LYPD6B: variants seen among roughly 807,000 people sequenced by gnomAD.
The protein encoded by LYPD6B is LY6/PLAUR domain containing 6B.
Under a neutral mutation model 22.8 loss-of-function variants are expected in LYPD6B, and 17 were observed. The ratio of observed to expected loss-of-function variants is 0.75; its 90% CI spans 0.51 to 1.12. LYPD6B has a LOEUF of 1.12. LYPD6B is among the 50% of genes most tolerant of loss of function. The pLI is 0.00. For synonymous variants in LYPD6B, 106 were observed against 91.6 expected, an observed-to-expected ratio of 1.16 and a Z score of -0.90; for missense variants, 221 against 258.3, an observed-to-expected ratio of 0.86 and a Z score of 0.99.
intron 1 of LYPD6B, among the ~76,000 whole-genome samples, chr2:149,092,866 A>G (rs1034289962): frequency 6.6e-6 from 1 of 152,068 alleles, no homozygotes; most frequent in Non-Finnish European, 1.5e-5. Flanking sequence ...TTTTATTTTT[A>G]TGTGTGAGAG....
intron 1 of LYPD6B, among the ~76,000 whole-genome samples, chr2:149,098,627 C>CAAAAAAAAA (rs1285429577): frequency 1.4e-4 from 12 of 83,356 alleles, no homozygotes; most frequent in East Asian, 6.7e-4. Flanking sequence ...AACTCTGTCT[C>CAAAAAAAAA]AAAAAAAAAA....
chr2:149,105,456 C>G (rs1574975460), intron 1 of LYPD6B, among the ~76,000 whole-genome samples: 1 of 152,228 alleles, frequency 6.6e-6, no homozygotes, highest in East Asian at 1.9e-4. Context: ...TGCAGTAACT[C>G]AGCATTTATT....
chr2:149,120,026 G>C (rs2105589448), intron 1 of LYPD6B, among the ~76,000 whole-genome samples: 1 of 152,178 alleles, frequency 6.6e-6, no homozygotes, highest in South Asian at 2.1e-4. Context: ...AAGGAATGGA[G>C]ACTGAAGTTA....
chr2:149,187,302 A>G, intron 3 of LYPD6B: 1 of 996,672 alleles, frequency 1.0e-6, no homozygotes, highest in Non-Finnish European at 1.3e-6. Context: ...GAATTTGAAT[A>G]ATGCACTAAA....
At chr2:149,131,861 T>C (rs1025412577) in intron 2 of LYPD6B, among the ~76,000 whole-genome samples, 4 of 152,068 alleles carry the variant, frequency 2.6e-5, no homozygotes, top group South Asian at 2.1e-4. Flanking sequence ...CTAGAAAGAA[T>C]TGATGATGAA....
intron 3 of LYPD6B, among the ~76,000 whole-genome samples, chr2:149,169,250 T>C (rs35836487): frequency 0.86 from 131,164 of 152,074 alleles, 57,360 homozygotes; most frequent in South Asian, 0.97. Context: ...TGTCCTTCTC[T>C]TGGACATGTC....
Position 149,120,376 on chromosome 2 carries a change from T to C in LYPD6B, c.-66-10507T>C, listed in dbSNP as rs1270401118. On this transcript the variant is annotated intron_variant, in intron 1 of 6. Coordinates refer to ENST00000409642, the MANE Select transcript of LYPD6B (RefSeq NM_177964.5). ...GTGTGTGTGTGTATATATATATATATATATATATTTTTTTTTTTTTTTTTT... is the reference window on the plus strand; with the variant it reads ...GTGTGTGTGTGTATATATATATATACATATATATTTTTTTTTTTTTTTTTT... Among the ~76,000 whole-genome samples, 8 of 45,564 alleles carry C rather than the reference T, an allele frequency of 1.8e-4. 1 individual carries two copies. The highest frequency in any genetic ancestry group is 3.2e-4 in the Non-Finnish European group (8 of 24,630). The allele number at this position is 45,564 out of a possible 152,430, so 29.9% of individuals were successfully genotyped here.
At chr2:149,144,148 A>G (rs1414887626) in intron 2 of LYPD6B, among the ~76,000 whole-genome samples, 1 of 152,232 alleles carries the variant, frequency 6.6e-6, no homozygotes, top group Non-Finnish European at 1.5e-5. Context: ...GGCTTATAGT[A>G]TGATGGTGGA....
chr2:149,185,771 T>C (rs1386939749), intron 3 of LYPD6B, among the ~76,000 whole-genome samples: 1 of 152,244 alleles, frequency 6.6e-6, no homozygotes, highest in East Asian at 1.9e-4. Context: ...GTGCTCACTT[T>C]GTGTCTCTTC....
At chr2:149,044,841 C>CT (rs35577628) in intron 1 of LYPD6B, among the ~76,000 whole-genome samples, 1 of 151,922 alleles carries the variant, frequency 6.6e-6, no homozygotes, top group African/African-American at 2.4e-5. Context: ...TTATTGAATG[C>CT]TTTTTTTACC....
chr2:149,110,137 T>A (rs575992037), intron 1 of LYPD6B, among the ~76,000 whole-genome samples: 1 of 152,346 alleles, frequency 6.6e-6, no homozygotes, highest in Admixed American at 6.5e-5. Flanking sequence ...TCCCATCCAA[T>A]GTATTTTTTA....
rs111281226 is a variant in LYPD6B at position 149,106,337 on chromosome 2, T to C, written c.-66-24546T>C. On this transcript the variant is annotated intron_variant, in intron 1 of 6. Transcript: ENST00000409642. ...TTTCTCCATTTTAATTTTCTGGAAG[T>C]TTATATACAGTTGGTATTATTTCTT... 1.2e-3 allele frequency among the ~76,000 whole-genome samples: 176 copies of C among 152,264 alleles called. 1 individual carries two copies. The highest frequency in any genetic ancestry group is 4.0e-3 in the African/African-American group (168 of 41,578).
intron 3 of LYPD6B, among the ~76,000 whole-genome samples, chr2:149,189,342 T>TTATATATATATATATATA (rs770703554): frequency 0.035 from 2,269 of 64,472 alleles, 120 homozygotes; most frequent in South Asian, 0.043. Flanking sequence ...TTGTCCAAAA[T>TTATATATATATATATATA]TATATATATA....
intron 1 of LYPD6B, among the ~76,000 whole-genome samples, chr2:149,060,467 C>T (rs1038435032): frequency 3.9e-5 from 6 of 152,164 alleles, no homozygotes; most frequent in Non-Finnish European, 8.8e-5. Flanking sequence ...GAGCAATCTC[C>T]TACACTGTGT....
chr2:149,039,181 G>A (rs911663007), intron 1 of LYPD6B, among the ~76,000 whole-genome samples: 4 of 152,340 alleles, frequency 2.6e-5, no homozygotes, highest in Non-Finnish European at 4.4e-5. Context: ...CGCGGAGCTG[G>A]GGCTGGGGTT....
intron 3 of LYPD6B, among the ~76,000 whole-genome samples, chr2:149,174,590 T>A (rs1691120883): frequency 6.6e-6 from 1 of 152,176 alleles, no homozygotes; most frequent in Admixed American, 6.6e-5. Flanking sequence ...GTTTTTAACA[T>A]GAAGGATGTT....
At chr2:149,060,335 T>A (rs947273168) in intron 1 of LYPD6B, among the ~76,000 whole-genome samples, 1 of 152,172 alleles carries the variant, frequency 6.6e-6, no homozygotes, top group Admixed American at 6.5e-5. Context: ...AAAAATCCTA[T>A]CTGTCTTGTA....
At chr2:149,128,531 C>G (rs1189848119) in intron 1 of LYPD6B, among the ~76,000 whole-genome samples, 4 of 152,208 alleles carry the variant, frequency 2.6e-5, no homozygotes, top group Admixed American at 6.5e-5. Flanking sequence ...GGAGATAGAA[C>G]TGGGTTTTAT....
Position 149,057,465 on chromosome 2 carries a change from C to T in LYPD6B, c.-67+18664C>T, listed in dbSNP as rs148199216. 4.6e-3 allele frequency among the ~76,000 whole-genome samples: 702 copies of T among 151,626 alleles called. 10 individuals carry two copies. The highest frequency in any genetic ancestry group is 0.016 in the African/African-American group (655 of 41,302). Reference sequence around the variant, plus strand: ...TGAGATAAGGATGTAAAAATGCTTTCGGGTTCACATTGTTTACTGCATATG... The same window carrying T: ...TGAGATAAGGATGTAAAAATGCTTTTGGGTTCACATTGTTTACTGCATATG... On this transcript the variant is annotated intron_variant, in intron 1 of 6. Transcript: ENST00000409642.
Sources: allele counts gnomAD v4.1 joint callset (sites outside exome capture counted in the v4.1 genomes callset), GRCh38; gene constraint gnomAD v4.1.1; transcripts MANE v1.5; gene names NCBI Gene and HGNC (gene_info 2026-07-23, HGNC 2026-07-21).